KLHL24: variants seen among roughly 807,000 people sequenced by gnomAD.
KLHL24 encodes the protein kelch-like protein 24.
In KLHL24, 29 loss-of-function variants were observed where a neutral mutation model predicts 53.4. The observed-to-expected ratio is 0.54, with a 90% CI of 0.40 to 0.74. The LOEUF (loss-of-function observed/expected upper bound fraction) is 0.74, where lower values mean the gene tolerates loss of function less well. KLHL24 is among the 30% of genes least tolerant of loss of function. KLHL24 has a pLI of 0.00. For synonymous variants in KLHL24, 222 were observed against 253.7 expected, an observed-to-expected ratio of 0.88 and a Z score of 1.19; for missense variants, 504 against 744.0, an observed-to-expected ratio of 0.68 and a Z score of 3.75.
Position 183,662,080 on chromosome 3 carries a change from A to G in KLHL24, c.921-1378A>G, listed in dbSNP as rs572624426. On this transcript the variant is annotated intron_variant, in intron 3 of 7. Transcript: ENST00000242810. The stretch of plus-strand genomic sequence containing the variant: ...TTGGAAAATAGTAAATATTACTGAT[A>G]ATATTTAGGTCCTTCTGTTAATGTT... 2.0e-5 allele frequency among the ~76,000 whole-genome samples: 3 copies of G among 152,280 alleles called. No individual in the cohort carries two copies. The South Asian group carries it at 6.2e-4, about 32-fold the overall frequency.
intron 2 of KLHL24, among the ~76,000 whole-genome samples, chr3:183,644,830 C>G (rs1716997386): frequency 6.6e-6 from 1 of 152,150 alleles, no homozygotes; most frequent in Non-Finnish European, 1.5e-5. Context: ...ATTTGTTTTT[C>G]TACTTGTCCA....
In KLHL24 at chr3:183,650,980, C is replaced by T. The variant is rs1718036875; in HGVS notation, c.624C>T (p.Asp208=). The T allele has an allele frequency of 6.2e-7, 1 of 1,614,176 alleles. No homozygotes were observed. Among genetic ancestry groups the T allele is most frequent in the Non-Finnish European group, 8.5e-7 (1 of 1,180,038 alleles). ...AGCACGAAGAATTTCTTGAGCTTGA[C>T]AAAGATGAACTTATTGATTATATTT... The part of the protein sequence containing the change: ...VSQHEEFLEL[D]KDELIDYICS... The change falls in exon 3 of 8, where the codon GAC becomes GAT. Residue 208 remains aspartate, a synonymous_variant. Transcript: ENST00000242810. This position sits in a 1 kb window ranked among gnomAD's most constrained non-coding sequence, Gnocchi z 4.5.
At chr3:183,667,843 A>G (rs527915687) in intron 5 of KLHL24, among the ~76,000 whole-genome samples, 223 of 152,010 alleles carry the variant, frequency 1.5e-3, no homozygotes, top group African/African-American at 5.2e-3. Flanking sequence ...CAGCCTCCCT[A>G]GTAGCTAAGA....
At chr3:183,637,644 C>T (rs1365358246) in intron 1 of KLHL24, among the ~76,000 whole-genome samples, 1 of 152,142 alleles carries the variant, frequency 6.6e-6, no homozygotes, top group African/African-American at 2.4e-5. Context: ...ACTTAATACA[C>T]TTGTTTTGTT....
Position 183,672,600 on chromosome 3 carries a change from C to G in KLHL24, c.1602+116C>G, listed in dbSNP as rs1303467740. On this transcript the variant is annotated intron_variant, in intron 7 of 7. Transcript: ENST00000242810. ...ATATTTCAGGCTGGGCGTGGTGGCT[C>G]ACGCCTGTAATCCCAGCACTTTGGG... The G allele has an allele frequency of 5.4e-6, 4 of 741,674 alleles. No homozygotes were observed. The East Asian group carries it at 1.2e-4, about 23-fold the overall frequency. The allele number at this position is 741,674 out of a possible 1,614,324, so 45.9% of individuals were successfully genotyped here. A position where few individuals can be genotyped will look rare whatever the true frequency, so the allele number is the denominator to read the frequency against.
chr3:183,683,152 G>A lies in KLHL24; in HGVS notation c.*3866G>A, dbSNP rs931572386. The A allele has an allele frequency of 6.6e-6, 1 of 151,914 alleles. No individual in the cohort carries two copies. Among genetic ancestry groups the A allele is most frequent in the African/African-American group, 2.4e-5 (1 of 41,254 alleles). The allele number at this position is 151,914 out of a possible 1,614,324, so 9.4% of individuals were successfully genotyped here. On this transcript the variant is annotated 3_prime_UTR_variant, in exon 8 of 8. Coordinates refer to ENST00000242810, the MANE Select transcript of KLHL24 (RefSeq NM_017644.3). ...GTAGAGACGGGGTTTAGTAGAGACG[G>A]ATCACTCCTGACCACGTGATCCGCC...
At chr3:183,677,943 C>T (rs1477056596) in intron 7 of KLHL24, among the ~76,000 whole-genome samples, 1 of 152,146 alleles carries the variant, frequency 6.6e-6, no homozygotes, top group Non-Finnish European at 1.5e-5. Flanking sequence ...AAGCACCCCC[C>T]ACCACGTCCA....
chr3:183,643,302 TAA>T (rs1716747937), intron 1 of KLHL24, 176 bp from the exon 2 acceptor site: 2 of 152,176 alleles, frequency 1.3e-5, no homozygotes, highest in African/African-American at 2.4e-5. Flanking sequence ...AAAATAGCAT[TAA>T]GTTATTAATT....
rs766436782 is a variant in KLHL24, at chr3:183,671,185, T to C, written c.1376T>C (p.Ile459Thr). ...AGCTGTGTAGGCAAACTGTTTGTGA[T>C]TGGTGGAGGACCTGATGATAATACT... ...VTSCVGKLFVIGGGPDDNTCS... is the reference protein window; with the variant it reads ...VTSCVGKLFVTGGGPDDNTCS... The change falls in exon 6 of 8, where the codon ATT (isoleucine) becomes ACT (threonine). Residue 459 changes from isoleucine (I) to threonine (T), a missense_variant. Physicochemically the swap from Ile to Thr is moderately conservative, Grantham distance 89. Transcript: ENST00000242810. 3 of 1,614,102 alleles carry C rather than the reference T, an allele frequency of 1.9e-6. No homozygotes were observed. The highest frequency in any genetic ancestry group is 2.2e-5 in the South Asian group (2 of 91,074).
chr3:183,640,098 A>G (rs1716138753), intron 1 of KLHL24, among the ~76,000 whole-genome samples: 1 of 150,078 alleles, frequency 6.7e-6, no homozygotes, highest in Non-Finnish European at 1.5e-5. Context: ...TGTTTTGATT[A>G]TCAAATAAAA....
In KLHL24 at chr3:183,662,738, G is replaced by T. The variant is rs1719982616; in HGVS notation, c.921-720G>T. On this transcript the variant is annotated intron_variant, in intron 3 of 7. Coordinates refer to ENST00000242810, the MANE Select transcript of KLHL24 (RefSeq NM_017644.3). ...CATTATTGGTTTGGAAATTTGTAAT[G>T]ATAGAAATGGGGGGAGCCAAACAAT... Among the ~76,000 whole-genome samples, 3 of 152,174 alleles carry T rather than the reference G, an allele frequency of 2.0e-5. No homozygotes were observed. In the South Asian group the frequency reaches 6.2e-4, roughly 32 times the overall value.
intron 6 of KLHL24, 139 bp from the exon 7 acceptor site, chr3:183,672,157 A>T (rs1172261190): frequency 4.4e-6 from 2 of 453,954 alleles, no homozygotes; most frequent in Non-Finnish European, 7.5e-6. Context: ...ACATTTCACT[A>T]TCAGGCTAAC....
chr3:183,650,646 A>G lies in KLHL24; in HGVS notation c.290A>G (p.Asn97Ser). 6.2e-7 allele frequency: 1 copy of G among 1,614,168 alleles called. No homozygotes were observed. Among genetic ancestry groups the G allele is most frequent in the Non-Finnish European group, 8.5e-7 (1 of 1,180,020 alleles). ...AGCTACTTCAGAGCTATGTTTTGTAATGACCACAGGGAAAGCCGAGAAATG... is the reference window on the plus strand; with the variant it reads ...AGCTACTTCAGAGCTATGTTTTGTAGTGACCACAGGGAAAGCCGAGAAATG... ...CSSYFRAMFC[N>S]DHRESREMLV... Residue 97 changes from asparagine to serine, a missense_variant, in exon 3 of 8, where the codon AAT becomes AGT. Coordinates refer to ENST00000242810, the MANE Select transcript of KLHL24 (RefSeq NM_017644.3). This position sits in a 1 kb window ranked among gnomAD's most constrained non-coding sequence, Gnocchi z 4.5.
At chr3:183,640,485 C>G (rs1716206842) in intron 1 of KLHL24, among the ~76,000 whole-genome samples, 1 of 152,116 alleles carries the variant, frequency 6.6e-6, no homozygotes, top group African/African-American at 2.4e-5. Flanking sequence ...GTATATTGCC[C>G]ATTTGAGGTT....
At position 183,672,353 on chromosome 3, in the gene KLHL24, G is replaced by T; in HGVS notation, c.1471G>T (p.Ala491Ser). 2 of 1,611,704 alleles carry T rather than the reference G, an allele frequency of 1.2e-6. No homozygotes were observed. The highest frequency in any genetic ancestry group is 1.7e-6 in the Non-Finnish European group (2 of 1,178,672). ...GCTACTTCGTGCAGCTATCCCAATTGCCAAAAGGTGTATAACAGCTGTATC... is the reference window on the plus strand; with the variant it reads ...GCTACTTCGTGCAGCTATCCCAATTTCCAAAAGGTGTATAACAGCTGTATC... ...SWLLRAAIPI[A>S]KRCITAVSLN... Residue 491 changes from alanine to serine, a missense_variant, in exon 7 of 8, where the codon GCC becomes TCC. By Grantham distance (99) the Ala-to-Ser change is moderately conservative (BLOSUM62 1). Coordinates refer to ENST00000242810, the MANE Select transcript of KLHL24 (RefSeq NM_017644.3).
At chr3:183,659,061 C>G (rs1719318630) in intron 3 of KLHL24, among the ~76,000 whole-genome samples, 1 of 152,122 alleles carries the variant, frequency 6.6e-6, no homozygotes, top group Non-Finnish European at 1.5e-5. Flanking sequence ...CCACCTTGGT[C>G]TCCCAAAGTG....
In KLHL24 at chr3:183,680,341, T is replaced by G. The variant is rs936016040; in HGVS notation, c.*1055T>G. On this transcript the variant is annotated 3_prime_UTR_variant, in exon 8 of 8. Transcript: ENST00000242810. Reference sequence around the variant, plus strand: ...GGATAGGTTTTCCTTCCTAGCCCAGTAGAGTTTGACCTCATTAGTATGGTG... The same window carrying G: ...GGATAGGTTTTCCTTCCTAGCCCAGGAGAGTTTGACCTCATTAGTATGGTG... 2.6e-5 allele frequency: 4 copies of G among 152,220 alleles called. No homozygotes were observed. The highest frequency in any genetic ancestry group is 9.6e-5 in the African/African-American group (4 of 41,454). The allele number at this position is 152,220 out of a possible 1,614,324, so 9.4% of individuals were successfully genotyped here. A position where few individuals can be genotyped will look rare whatever the true frequency, so the allele number is the denominator to read the frequency against.
intron 6 of KLHL24, among the ~76,000 whole-genome samples, chr3:183,671,451 T>G (rs541266000): frequency 3.3e-4 from 50 of 152,312 alleles, no homozygotes; most frequent in African/African-American, 1.2e-3. Context: ...GAAATGAGAC[T>G]ATCTGTGTAG....
intron 1 of KLHL24, among the ~76,000 whole-genome samples, chr3:183,640,604 T>TTTTCTTTC (rs1553830046): frequency 1.5e-5 from 1 of 67,710 alleles, no homozygotes; most frequent in African/African-American, 9.2e-5. Flanking sequence ...TTTTTTCTTT[T>TTTTCTTTC]TTTTTTTTTT....
Sources: gnomAD v4.1 joint callset for allele counts (sites outside exome capture counted in the v4.1 genomes callset) on GRCh38, gnomAD v4.1.1 for gene constraint, Gnocchi (gnomAD v3.1) non-coding constraint, MANE v1.5 for transcripts, NCBI Gene and HGNC (gene_info 2026-07-23, HGNC 2026-07-21) for gene names.